CCM2: variants seen among roughly 807,000 people sequenced by gnomAD.
The protein encoded by CCM2 is cerebral cavernous malformations 2 protein.
CCM2 carries 25 observed loss-of-function variants against 44.9 expected under a neutral mutation model. The observed-to-expected ratio is 0.56, with a 90% CI of 0.41 to 0.78. The LOEUF is 0.78. CCM2 is among the 30% of genes least tolerant of loss of function. The pLI, the probability that CCM2 is intolerant of heterozygous loss-of-function variation, is 0.00. For missense variants in CCM2, 481 were observed against 580.6 expected (o/e 0.83, Z 1.76); for synonymous variants, 219 against 241.1 (o/e 0.91, Z 0.85).
intron 2 of CCM2, among the ~76,000 whole-genome samples, chr7:45,039,967 C>T (rs113264223): frequency 0.059 from 8,886 of 151,870 alleles, 331 homozygotes; most frequent in African/African-American, 0.097. Context: ...GTGGAGGTTG[C>T]AGTGAGCCAA....
At chr7:45,019,816 C>G (rs1796411582) in intron 1 of CCM2, among the ~76,000 whole-genome samples, 1 of 152,186 alleles carries the variant, frequency 6.6e-6, no homozygotes, top group Admixed American at 6.5e-5. Context: ...CTCAAGTGAT[C>G]TTCCTGCCTT....
chr7:45,059,451 A>AG (rs1798423652), intron 2 of CCM2, among the ~76,000 whole-genome samples: 1 of 151,128 alleles, frequency 6.6e-6, no homozygotes, highest in Non-Finnish European at 1.5e-5. Flanking sequence ...GAAAGAAAAA[A>AG]CAAAAAATAC....
At chr7:45,013,268 G>C (rs1375253992) in intron 1 of CCM2, among the ~76,000 whole-genome samples, 1 of 151,240 alleles carries the variant, frequency 6.6e-6, no homozygotes, top group Non-Finnish European at 1.5e-5. Flanking sequence ...AAACTTTTTG[G>C]CATATATTTT....
At chr7:45,073,439 A>C in intron 7 of CCM2, 21 bp from the exon 8 acceptor site, 1 of 1,590,428 alleles carries the variant, frequency 6.3e-7, no homozygotes, top group Non-Finnish European at 8.6e-7. Flanking sequence ...CCACCCGCTC[A>C]CATACCACAT....
At chr7:45,072,229 C>G (rs111353194) in intron 6 of CCM2, 142 of 327,756 alleles carry the variant, frequency 4.3e-4, no homozygotes, top group Non-Finnish European at 7.2e-4. Flanking sequence ...GTCTGAGGGT[C>G]TTGGGAATCC....
chr7:45,015,453 T>C (rs1174662728), intron 1 of CCM2, among the ~76,000 whole-genome samples: 1 of 152,124 alleles, frequency 6.6e-6, no homozygotes, highest in Non-Finnish European at 1.5e-5. Flanking sequence ...TCCCTTCCCC[T>C]TCCCCTTCCT....
chr7:45,056,231 T>C (rs1456348892), intron 2 of CCM2, among the ~76,000 whole-genome samples: 2 of 152,238 alleles, frequency 1.3e-5, no homozygotes, highest in African/African-American at 4.8e-5. Flanking sequence ...ATATGCTAAT[T>C]CCATGTTTAA....
At chr7:45,052,315 G>C (rs1269176592) in intron 2 of CCM2, among the ~76,000 whole-genome samples, 1 of 152,208 alleles carries the variant, frequency 6.6e-6, no homozygotes, top group Non-Finnish European at 1.5e-5. Context: ...CTGCAGAATT[G>C]GTATCCTGCT....
intron 2 of CCM2, among the ~76,000 whole-genome samples, chr7:45,045,415 AAAG>A (rs1336109075): frequency 6.6e-6 from 1 of 152,248 alleles, no homozygotes; most frequent in Non-Finnish European, 1.5e-5. Flanking sequence ...TTAACAAGCT[AAAG>A]AAGAAAAATC....
chr7:45,021,255 T>G (rs569500638), intron 1 of CCM2, among the ~76,000 whole-genome samples: 1 of 151,804 alleles, frequency 6.6e-6, no homozygotes, highest in Non-Finnish European at 1.5e-5. Flanking sequence ...AGACCCTGTC[T>G]CTAAAAAATA....
At chr7:45,002,407 A>G (rs1330552639) in intron 1 of CCM2, among the ~76,000 whole-genome samples, 1 of 152,206 alleles carries the variant, frequency 6.6e-6, no homozygotes, top group Non-Finnish European at 1.5e-5. Flanking sequence ...CATCTATACA[A>G]AAAATACAGA....
At chr7:45,002,567 C>CT (rs142240277) in intron 1 of CCM2, among the ~76,000 whole-genome samples, 4,489 of 150,622 alleles carry the variant, frequency 0.03, 130 homozygotes, top group African/African-American at 0.077. Context: ...GTGATTCAGG[C>CT]TTTTTTTTAC....
At chr7:45,037,750 C>G (rs73107938) in intron 1 of CCM2, among the ~76,000 whole-genome samples, 154 of 152,168 alleles carry the variant, frequency 1.0e-3, no homozygotes, top group Non-Finnish European at 1.7e-3. Context: ...CATTGGAGCT[C>G]AACACACTCA....
At chr7:45,053,307 G>T (rs892346171) in intron 2 of CCM2, among the ~76,000 whole-genome samples, 2 of 152,212 alleles carry the variant, frequency 1.3e-5, no homozygotes, top group Non-Finnish European at 2.9e-5. Flanking sequence ...CGCAGGCTTG[G>T]TCTCTCCTTC....
chr7:45,064,553 G>C lies in CCM2; in HGVS notation c.379G>C (p.Gly127Arg), dbSNP rs777510416. 2 of 1,613,926 alleles carry C rather than the reference G, an allele frequency of 1.2e-6. No individual in the cohort carries two copies. The highest frequency in any genetic ancestry group is 1.7e-6 in the Non-Finnish European group (2 of 1,179,982). The change falls in exon 4 of 10, where the codon GGG becomes CGG. Residue 127 changes from glycine (G) to arginine (R), a missense_variant. Gly to Arg is a moderately radical substitution (Grantham distance 125). Coordinates refer to ENST00000258781, the MANE Select transcript of CCM2 (RefSeq NM_031443.4). ...CAACGTCAAGCTGGCCTGGAGGGAC[G>C]GGGAGGATATCATCCTCAGGGTGCC... ...AYNVKLAWRD[G>R]EDIILRVPIH...
chr7:45,019,927 G>A (rs937591582), intron 1 of CCM2, among the ~76,000 whole-genome samples: 3 of 152,144 alleles, frequency 2.0e-5, no homozygotes, highest in Non-Finnish European at 4.4e-5. Context: ...GGGCTTGTGG[G>A]AGTCTCACCT....
intron 4 of CCM2, among the ~76,000 whole-genome samples, chr7:45,066,115 G>T (rs1290498793): frequency 6.6e-6 from 1 of 152,050 alleles, no homozygotes; most frequent in African/African-American, 2.4e-5. Context: ...GAGAGAGAAT[G>T]AGCGCCATAG....
In CCM2 at chr7:45,041,917, C is replaced by G. The variant is rs1191614001; in HGVS notation, c.204+3491C>G. On this transcript the variant is annotated intron_variant, in intron 2 of 9. Transcript: ENST00000258781. The stretch of plus-strand genomic sequence containing the variant: ...GAACTCTTATCATACCCAGCAGTAA[C>G]GAGGAAGGAGCCCTCCACGCAGGAG... Among the ~76,000 whole-genome samples the G allele has an allele frequency of 2.0e-5, 3 of 152,116 alleles. No homozygotes were observed. In the South Asian group the frequency reaches 6.2e-4, roughly 31 times the overall value.
chr7:45,038,699 C>T (rs187773882), intron 2 of CCM2, among the ~76,000 whole-genome samples: 1 of 152,188 alleles, frequency 6.6e-6, no homozygotes, highest in Non-Finnish European at 1.5e-5. Context: ...ATGTGCTGCT[C>T]CACCAGAAGA....
Sources: gnomAD v4.1 joint callset for allele counts (sites outside exome capture counted in the v4.1 genomes callset) on GRCh38, gnomAD v4.1.1 for gene constraint, MANE v1.5 for transcripts, NCBI Gene and HGNC (gene_info 2026-07-23, HGNC 2026-07-21) for gene names.